Variants in SLC38A1 observed in about 807,000 individuals in gnomAD.
SLC38A1 encodes sodium-coupled neutral amino acid symporter 1.
SLC38A1 carries 18 observed loss-of-function variants against 60.3 expected under a neutral mutation model. That is an observed-to-expected ratio of 0.30 (90% CI 0.21 to 0.44). The LOEUF (loss-of-function observed/expected upper bound fraction) is 0.44. Among genes scored for constraint, SLC38A1 ranks in the 20% least tolerant of loss-of-function variants. The pLI is 1.00. For missense variants in SLC38A1, 448 were observed against 587.2 expected (o/e 0.76, Z 2.45); for synonymous variants, 196 against 212.1 (o/e 0.92, Z 0.66).
In SLC38A1 at chr12:46,188,073, G is replaced by T. The variant is rs1031646156; in HGVS notation, c.*897C>A. ...CATTTTTCTCCCTTCAGCAAGACAG[G>T]TAGGGTTGAAGGCTAAATGCATCAG... On this transcript the variant is annotated 3_prime_UTR_variant, in exon 17 of 17. Coordinates refer to ENST00000398637, the MANE Select transcript of SLC38A1 (RefSeq NM_030674.4). 1 of 152,110 alleles carries T rather than the reference G, an allele frequency of 6.6e-6. No homozygotes were observed. The highest frequency in any genetic ancestry group is 1.9e-4 in the East Asian group (1 of 5,190). The allele number at this position is 152,110 out of a possible 1,614,324, so 9.4% of individuals were successfully genotyped here. A position where few individuals can be genotyped will look rare whatever the true frequency, so the allele number is the denominator to read the frequency against.
Position 46,186,879 on chromosome 12 carries a change from T to G in SLC38A1, c.*2091A>C, listed in dbSNP as rs1264517962. 6.6e-6 allele frequency: 1 copy of G among 152,212 alleles called. No homozygotes were observed. The highest frequency in any genetic ancestry group is 2.4e-5 in the African/African-American group (1 of 41,460). 9.4% of individuals were successfully genotyped at this position (152,212 alleles called of 1,614,324 possible). On this transcript the variant is annotated 3_prime_UTR_variant, in exon 17 of 17. Coordinates refer to ENST00000398637, the MANE Select transcript of SLC38A1 (RefSeq NM_030674.4). ...ATAATATAGCTTGCAAACTAAATTA[T>G]GTATTTTTAAAGGTACAGTCATCCC...
chr12:46,195,907 C>T (rs1385611901), intron 16 of SLC38A1: 2 of 393,484 alleles, frequency 5.1e-6, no homozygotes, highest in Admixed American at 3.6e-5. Flanking sequence ...CTTGTGCTTC[C>T]TGGGTGAGGT....
At chr12:46,253,652 C>T (rs185712913) in intron 1 of SLC38A1, among the ~76,000 whole-genome samples, 3 of 152,294 alleles carry the variant, frequency 2.0e-5, no homozygotes, top group Admixed American at 2.0e-4. Flanking sequence ...CATTCTGTGA[C>T]TTAGAATGCT....
chr12:46,257,306 T>C (rs986992222), intron 1 of SLC38A1, among the ~76,000 whole-genome samples: 31 of 152,286 alleles, frequency 2.0e-4, no homozygotes, highest in African/African-American at 6.5e-4. Flanking sequence ...AAGAGGGATT[T>C]TATGAGAAGG....
intron 1 of SLC38A1, among the ~76,000 whole-genome samples, chr12:46,256,636 C>CAGAGAGAGAG (rs1555192390): frequency 0.064 from 7,866 of 123,106 alleles, 464 homozygotes; most frequent in African/African-American, 0.16. Context: ...CACACACACA[C>CAGAGAGAGAG]AGAGAGAGAG....
chr12:46,199,757 T>A (rs1042932709), intron 13 of SLC38A1, among the ~76,000 whole-genome samples: 3 of 152,140 alleles, frequency 2.0e-5, no homozygotes, highest in African/African-American at 7.2e-5. Flanking sequence ...AGTATGGAAC[T>A]GCTCACTCTT....
At chr12:46,206,021 T>A in intron 9 of SLC38A1, 59 bp downstream of exon 9, 1 of 1,023,680 alleles carries the variant, frequency 9.8e-7, no homozygotes, top group Non-Finnish European at 1.5e-6. Flanking sequence ...TCCATTTTTA[T>A]TCAGTTTCTG....
In SLC38A1 at chr12:46,206,155, A is replaced by T; in HGVS notation, c.571T>A (p.Tyr191Asn). The part of the protein sequence containing the change: ...MGKEETFSAW[Y>N]VDGRVLVVIV... ...ACCACCAGAACGCGGCCATCCACGT[A>T]CCAGGCTCTGAAAGGCATTTAAGTG... is the stretch of plus-strand genomic sequence containing the variant. The change falls in exon 9 of 17, where the codon TAC becomes AAC. Residue 191 changes from tyrosine (Y) to asparagine (N), a missense_variant. This residue lies in a region of SLC38A1 where 346 missense variants were observed against 497.5 expected (regional missense o/e 0.70). Transcript: ENST00000398637. 1 of 1,606,924 alleles carries T rather than the reference A, an allele frequency of 6.2e-7. No homozygotes were observed. The highest frequency in any genetic ancestry group is 8.5e-7 in the Non-Finnish European group (1 of 1,175,202).
intron 3 of SLC38A1, among the ~76,000 whole-genome samples, chr12:46,238,281 A>T (rs1212899007): frequency 1.3e-5 from 2 of 152,216 alleles, no homozygotes; most frequent in African/African-American, 2.4e-5. Flanking sequence ...CCGTACTTGG[A>T]TAATAATGAG....
In SLC38A1 at chr12:46,230,688, T is replaced by G. The variant is rs896306937; in HGVS notation, c.123-1049A>C. ...ACAGAAGTAAGAATTTAAAATGCTT[T>G]CTTTAAGAATCATCAAATATATTCA... On this transcript the variant is annotated intron_variant, in intron 3 of 16. Coordinates refer to ENST00000398637, the MANE Select transcript of SLC38A1 (RefSeq NM_030674.4). Among the ~76,000 whole-genome samples, 3 of 152,344 alleles carry G rather than the reference T, an allele frequency of 2.0e-5. No homozygotes were observed. In the South Asian group the frequency reaches 6.2e-4, roughly 32 times the overall value.
chr12:46,250,617 G>T (rs1397221194), intron 1 of SLC38A1, among the ~76,000 whole-genome samples: 2 of 152,156 alleles, frequency 1.3e-5, no homozygotes, highest in Admixed American at 6.5e-5. Context: ...ATCTCCTTAA[G>T]CTGATAAGCA....
In SLC38A1 at chr12:46,193,429, T is replaced by C. The variant is rs138092431; in HGVS notation, c.1362+4291A>G. Reference sequence around the variant, plus strand: ...TGTCTTGATTTGTGGTGAAGAGTTCTGTAGATGTCTATGAGGTCCGCTTGG... The same window carrying C: ...TGTCTTGATTTGTGGTGAAGAGTTCCGTAGATGTCTATGAGGTCCGCTTGG... On this transcript the variant is annotated intron_variant, in intron 16 of 16. Transcript: ENST00000398637. Among the ~76,000 whole-genome samples, 13 of 152,366 alleles carry C rather than the reference T, an allele frequency of 8.5e-5. No homozygotes were observed. The East Asian group carries it at 2.5e-3, about 29-fold the overall frequency.
At chr12:46,256,636 C>CACACACACACACACACAGAG (rs142176282) in intron 1 of SLC38A1, among the ~76,000 whole-genome samples, 4 of 123,268 alleles carry the variant, frequency 3.2e-5, no homozygotes, top group African/African-American at 1.4e-4. Context: ...CACACACACA[C>CACACACACACACACACAGAG]AGAGAGAGAG....
intron 5 of SLC38A1, among the ~76,000 whole-genome samples, chr12:46,224,957 A>G (rs577877890): frequency 2.7e-4 from 41 of 152,338 alleles, no homozygotes; most frequent in African/African-American, 9.6e-4. Context: ...TAGGAGGTCA[A>G]TTATCCCTCA....
intron 2 of SLC38A1, among the ~76,000 whole-genome samples, chr12:46,241,202 T>C (rs898411615): frequency 6.6e-6 from 1 of 152,214 alleles, no homozygotes; most frequent in African/African-American, 2.4e-5. Flanking sequence ...ATGTTTTGAA[T>C]TTTGTCTGAT....
chr12:46,210,215 C>A (rs1940096425), intron 5 of SLC38A1, among the ~76,000 whole-genome samples: 1 of 152,190 alleles, frequency 6.6e-6, no homozygotes, highest in Non-Finnish European at 1.5e-5. Context: ...TGGCCCCAGG[C>A]AGAATGACTG....
At chr12:46,235,477 A>G (rs74082033) in intron 3 of SLC38A1, among the ~76,000 whole-genome samples, 2,310 of 152,334 alleles carry the variant, frequency 0.015, 57 homozygotes, top group African/African-American at 0.052. Context: ...ACAGGAATCT[A>G]AAGAGAAGAG....
chr12:46,212,813 G>A (rs75855477), intron 5 of SLC38A1, among the ~76,000 whole-genome samples: 401 of 152,270 alleles, frequency 2.6e-3, no homozygotes, highest in African/African-American at 9.0e-3. Context: ...CTTTTAAAAG[G>A]GGACATATTA....
At chr12:46,240,595 C>T (rs1281921248) in intron 2 of SLC38A1, among the ~76,000 whole-genome samples, 1 of 152,190 alleles carries the variant, frequency 6.6e-6, no homozygotes, top group Non-Finnish European at 1.5e-5. Context: ...CACAAAAGCA[C>T]CTTCGGTTTA....
Sources: allele counts gnomAD v4.1 joint callset (sites outside exome capture counted in the v4.1 genomes callset), GRCh38; gene constraint gnomAD v4.1.1; regional missense constraint gnomAD v4.1.1; transcripts MANE v1.5; gene names NCBI Gene and HGNC (gene_info 2026-07-23, HGNC 2026-07-21).